Variants in ZSWIM6 observed in about 807,000 individuals in gnomAD.
ZSWIM6 encodes zinc finger SWIM-type containing 6.
A neutral mutation model predicts 113.2 loss-of-function variants in ZSWIM6; 9 were observed. The ratio of observed to expected loss-of-function variants is 0.08; its 90% confidence interval spans 0.05 to 0.14. The LOEUF (loss-of-function observed/expected upper bound fraction) is 0.14. Ranked by LOEUF, ZSWIM6 falls within the 10% of genes least tolerant of loss-of-function variation. The pLI, the probability that ZSWIM6 is intolerant of heterozygous loss-of-function variation, is 1.00. For missense variants in ZSWIM6, 1,162 were observed against 1,552.2 expected (o/e 0.75, Z 4.22); for synonymous variants, 611 against 606.5 (o/e 1.01, Z -0.11).
chr5:61,452,972 G>A (rs1278367243), intron 1 of ZSWIM6, among the ~76,000 whole-genome samples: 1 of 152,256 alleles, frequency 6.6e-6, no homozygotes, highest in East Asian at 1.9e-4. Context: ...AGTTGTCGAT[G>A]CTTTTCTTAT....
At chr5:61,416,551 G>A (rs181433095) in intron 1 of ZSWIM6, among the ~76,000 whole-genome samples, 11 of 152,278 alleles carry the variant, frequency 7.2e-5, no homozygotes, top group South Asian at 4.1e-4. Context: ...CAGCAGGCAG[G>A]CTTTTTAGCC....
chr5:61,495,451 G>A (rs181438855), intron 4 of ZSWIM6, among the ~76,000 whole-genome samples: 2 of 152,264 alleles, frequency 1.3e-5, no homozygotes, highest in Non-Finnish European at 2.9e-5. Context: ...TAGGATATAC[G>A]TTCAGAAGTT....
rs550275621 is a variant in ZSWIM6, at chr5:61,483,483, A to AT, written c.1034-7298dup. Reference sequence around the variant, plus strand: ...GATGTATTTATACATTTGCTATTAGATTTTTCTCCACTTGAACCAAAATCT... The same window carrying AT: ...GATGTATTTATACATTTGCTATTAGATTTTTTCTCCACTTGAACCAAAATCT... On this transcript the variant is annotated intron_variant, in intron 2 of 13. Transcript: ENST00000252744. 2.3e-3 allele frequency among the ~76,000 whole-genome samples: 349 copies of AT among 152,246 alleles called. 2 individuals are homozygous for AT. The highest frequency in any genetic ancestry group is 3.4e-3 in the Non-Finnish European group (231 of 68,022).
Position 61,455,986 on chromosome 5 carries a change from G to C in ZSWIM6, c.677-16695G>C, listed in dbSNP as rs568634032. Among the ~76,000 whole-genome samples, 13 of 152,146 alleles carry C rather than the reference G, an allele frequency of 8.5e-5. 1 individual carries two copies. Among genetic ancestry groups the C allele is most frequent in the African/African-American group, 3.1e-4 (13 of 41,512 alleles). ...TTTTATTCTTTAGAATTATCGAGAG[G>C]TGAAGTTTTTGCCTATTTAGTACTA... On this transcript the variant is annotated intron_variant, in intron 1 of 13. Coordinates refer to ENST00000252744, the MANE Select transcript of ZSWIM6 (RefSeq NM_020928.2).
chr5:61,362,963 T>C (rs1302445982), intron 1 of ZSWIM6, among the ~76,000 whole-genome samples: 2 of 152,226 alleles, frequency 1.3e-5, no homozygotes, highest in Non-Finnish European at 2.9e-5. Context: ...GCTGATGTTC[T>C]CAATAATACT....
At chr5:61,520,445 C>T (rs1749083082) in intron 4 of ZSWIM6, among the ~76,000 whole-genome samples, 1 of 151,994 alleles carries the variant, frequency 6.6e-6, no homozygotes, top group Non-Finnish European at 1.5e-5. Flanking sequence ...TGAATTATGC[C>T]TTTATTCTAA....
chr5:61,528,435 T>C (rs534815453), intron 7 of ZSWIM6, among the ~76,000 whole-genome samples: 5 of 151,952 alleles, frequency 3.3e-5, no homozygotes, highest in Non-Finnish European at 4.4e-5. Context: ...TATGCAAACA[T>C]ATTTATTTGG....
intron 2 of ZSWIM6, among the ~76,000 whole-genome samples, chr5:61,475,635 A>G (rs1400285631): frequency 6.6e-6 from 1 of 152,160 alleles, no homozygotes; most frequent in Non-Finnish European, 1.5e-5. Context: ...CTGGAAATGG[A>G]CCAATTACAT....
chr5:61,382,194 G>A (rs1046480635), intron 1 of ZSWIM6, among the ~76,000 whole-genome samples: 1 of 152,176 alleles, frequency 6.6e-6, no homozygotes, highest in Non-Finnish European at 1.5e-5. Context: ...ATAGCTGTCA[G>A]TCATTTGGTG....
At chr5:61,400,632 G>C (rs578113148) in intron 1 of ZSWIM6, among the ~76,000 whole-genome samples, 3 of 152,122 alleles carry the variant, frequency 2.0e-5, no homozygotes, top group Non-Finnish European at 2.9e-5. Context: ...TTTGACCCTT[G>C]GCAGTGCTTT....
intron 1 of ZSWIM6, among the ~76,000 whole-genome samples, chr5:61,395,662 T>C (rs1579973983): frequency 6.6e-6 from 1 of 152,328 alleles, no homozygotes; most frequent in East Asian, 1.9e-4. Context: ...TTTTGATATA[T>C]CAGGAAAGAT....
At chr5:61,418,661 G>A (rs1276644880) in intron 1 of ZSWIM6, among the ~76,000 whole-genome samples, 2 of 152,166 alleles carry the variant, frequency 1.3e-5, no homozygotes, top group Non-Finnish European at 2.9e-5. Flanking sequence ...GGTAGATGGC[G>A]ATAGAAATAT....
chr5:61,366,276 A>C (rs140193736), intron 1 of ZSWIM6, among the ~76,000 whole-genome samples: 41 of 152,318 alleles, frequency 2.7e-4, no homozygotes, highest in African/African-American at 9.4e-4. Context: ...GCAATCTAAT[A>C]TACCAACCTG....
At chr5:61,460,872 T>C (rs1344171756) in intron 1 of ZSWIM6, among the ~76,000 whole-genome samples, 1 of 152,110 alleles carries the variant, frequency 6.6e-6, no homozygotes, top group Non-Finnish European at 1.5e-5. Flanking sequence ...TTTATGTTTC[T>C]ATATTATTTA....
intron 8 of ZSWIM6, among the ~76,000 whole-genome samples, chr5:61,531,239 G>T (rs565939309): frequency 6.6e-6 from 1 of 152,224 alleles, no homozygotes; most frequent in South Asian, 2.1e-4. Context: ...AGGGAGAAAA[G>T]TATTTGTAAT....
intron 1 of ZSWIM6, among the ~76,000 whole-genome samples, chr5:61,433,693 C>CA: frequency 6.6e-6 from 1 of 152,188 alleles, no homozygotes; most frequent in Middle Eastern, 3.4e-3. Context: ...AGGCTGGTCT[C>CA]AAACGCCCGA....
chr5:61,383,575 G>T (rs1426286309), intron 1 of ZSWIM6, among the ~76,000 whole-genome samples: 1 of 150,888 alleles, frequency 6.6e-6, no homozygotes, highest in Non-Finnish European at 1.5e-5. Flanking sequence ...TCGCTCTGTT[G>T]CCCAGGCTGG....
intron 1 of ZSWIM6, among the ~76,000 whole-genome samples, chr5:61,440,568 C>T (rs1293591815): frequency 6.6e-6 from 1 of 152,086 alleles, no homozygotes. Context: ...TACTTCTTGG[C>T]CTCCAAATTC....
At chr5:61,497,051 T>A (rs1220854857) in intron 4 of ZSWIM6, among the ~76,000 whole-genome samples, 1 of 149,354 alleles carries the variant, frequency 6.7e-6, no homozygotes, top group Non-Finnish European at 1.5e-5. Flanking sequence ...GATGCTTAAC[T>A]CCTTAGCACT....
Sources: allele counts gnomAD v4.1 joint callset (sites outside exome capture counted in the v4.1 genomes callset), GRCh38; gene constraint gnomAD v4.1.1; transcripts MANE v1.5; gene names NCBI Gene and HGNC (gene_info 2026-07-23, HGNC 2026-07-21).